The following DLG2 variants were observed in gnomAD, a reference collection of about 807,000 sequenced individuals.
The protein encoded by DLG2 is disks large homolog 2.
A neutral mutation model predicts 132.5 loss-of-function variants in DLG2; 45 were observed. The observed-to-expected ratio is 0.34, with a 90% CI of 0.27 to 0.44. DLG2 has a LOEUF of 0.44. Ranked by LOEUF, DLG2 falls within the 20% of genes least tolerant of loss-of-function variation. DLG2 has a pLI of 1.00. For missense variants in DLG2, 1,045 were observed against 1,196.9 expected (o/e 0.87, Z 1.87); for synonymous variants, 424 against 419.6 (o/e 1.01, Z -0.13).
intron 17 of DLG2, among the ~76,000 whole-genome samples, chr11:83,816,723 A>G (rs1478283563): frequency 6.6e-6 from 1 of 152,206 alleles, no homozygotes; most frequent in Non-Finnish European, 1.5e-5. Context: ...TTTCAATCAG[A>G]AAACATTTTA....
intron 7 of DLG2, among the ~76,000 whole-genome samples, chr11:84,515,803 T>C (rs549046093): frequency 1.3e-5 from 2 of 151,830 alleles, no homozygotes; most frequent in African/African-American, 4.8e-5. Context: ...TAAGTGCACA[T>C]AGAGCATTTT....
At chr11:84,886,501 A>G (rs926436743) in intron 6 of DLG2, among the ~76,000 whole-genome samples, 2 of 152,114 alleles carry the variant, frequency 1.3e-5, no homozygotes, top group Non-Finnish European at 2.9e-5. Flanking sequence ...GACTATGCTT[A>G]CCCACAAACA....
At chr11:83,674,712 G>C (rs966472764) in intron 18 of DLG2, among the ~76,000 whole-genome samples, 1 of 152,216 alleles carries the variant, frequency 6.6e-6, no homozygotes, top group African/African-American at 2.4e-5. Flanking sequence ...AGTGAAAACA[G>C]AAGTCTTGGG....
intron 7 of DLG2, among the ~76,000 whole-genome samples, chr11:84,520,979 T>C (rs1187935974): frequency 6.6e-6 from 1 of 152,172 alleles, no homozygotes; most frequent in East Asian, 1.9e-4. Context: ...AAGCATCCCA[T>C]AGAGAAATAA....
chr11:84,309,021 G>A (rs1567244759), intron 7 of DLG2, among the ~76,000 whole-genome samples: 1 of 152,150 alleles, frequency 6.6e-6, no homozygotes, highest in African/African-American at 2.4e-5. Context: ...CTCAAGTGCC[G>A]CCAAAGTGGG....
intron 18 of DLG2, among the ~76,000 whole-genome samples, chr11:83,750,573 A>G (rs537944361): frequency 1.3e-5 from 2 of 152,294 alleles, no homozygotes; most frequent in Admixed American, 6.5e-5. Context: ...CATCTGTTCT[A>G]CATATAGACA....
intron 9 of DLG2, among the ~76,000 whole-genome samples, chr11:84,108,227 AG>A (rs923797402): frequency 3.1e-4 from 47 of 152,252 alleles, no homozygotes; most frequent in African/African-American, 1.1e-3. Flanking sequence ...GGCAGATTTC[AG>A]GGTTCAATAT....
Position 85,006,140 on chromosome 11 carries a change from G to C in DLG2, c.357+105521C>G, listed in dbSNP as rs568418412. Among the ~76,000 whole-genome samples, 19 of 152,080 alleles carry C rather than the reference G, an allele frequency of 1.2e-4. No individual in the cohort carries two copies. The East Asian group carries it at 3.5e-3, about 28-fold the overall frequency. On this transcript the variant is annotated intron_variant, in intron 6 of 27. Coordinates refer to ENST00000376104, the MANE Select transcript of DLG2 (RefSeq NM_001142699.3). The stretch of plus-strand genomic sequence containing the variant: ...ATTCAGTTTGCCCATAGTTTATTGA[G>C]GATTTTTGCATTGAAGTTCATCAGG...
At chr11:84,283,886 C>T (rs1421783362) in intron 7 of DLG2, among the ~76,000 whole-genome samples, 1 of 151,998 alleles carries the variant, frequency 6.6e-6, no homozygotes, top group East Asian at 1.9e-4. Context: ...AGTATATTTA[C>T]CAGGATTTTC....
At chr11:84,767,099 A>G (rs2068530703) in intron 6 of DLG2, among the ~76,000 whole-genome samples, 1 of 152,066 alleles carries the variant, frequency 6.6e-6, no homozygotes, top group African/African-American at 2.4e-5. Context: ...GAGGGGTAAT[A>G]GTACCCACCT....
chr11:83,712,903 C>T (rs944275333), intron 18 of DLG2, among the ~76,000 whole-genome samples: 5 of 151,760 alleles, frequency 3.3e-5, no homozygotes, highest in African/African-American at 1.2e-4. Context: ...CAGCAAATCA[C>T]CGTGGCACAA....
chr11:84,995,728 T>TTA (rs1412188754), intron 6 of DLG2, among the ~76,000 whole-genome samples: 1 of 151,492 alleles, frequency 6.6e-6, no homozygotes, highest in Non-Finnish European at 1.5e-5. Flanking sequence ...AATTTTTTTT[T>TTA]AAAAAAAAAG....
intron 6 of DLG2, among the ~76,000 whole-genome samples, chr11:84,788,056 G>C (rs1398517513): frequency 2.3e-5 from 3 of 129,770 alleles, no homozygotes; most frequent in Non-Finnish European, 4.7e-5. Flanking sequence ...AGCTGAGACT[G>C]AGCCACTGCA....
At chr11:83,973,399 CTT>C (rs892319588) in intron 12 of DLG2, among the ~76,000 whole-genome samples, 1 of 152,048 alleles carries the variant, frequency 6.6e-6, no homozygotes, top group Non-Finnish European at 1.5e-5. Context: ...TGTATTATAA[CTT>C]ATTACATTTG....
chr11:84,479,501 C>G (rs1266905407), intron 7 of DLG2, among the ~76,000 whole-genome samples: 2 of 151,962 alleles, frequency 1.3e-5, no homozygotes, highest in African/African-American at 4.8e-5. Flanking sequence ...CCTACCAAGG[C>G]CTAAAAATAA....
At chr11:84,958,189 CCTT>C (rs1192853369) in intron 6 of DLG2, among the ~76,000 whole-genome samples, 14 of 152,132 alleles carry the variant, frequency 9.2e-5, no homozygotes, top group Admixed American at 8.5e-4. Context: ...CATGCCATAT[CCTT>C]CTTACTGGCC....
chr11:84,923,531 G>A, intron 6 of DLG2: 1 of 1,027,904 alleles, frequency 9.7e-7, no homozygotes, highest in Non-Finnish European at 1.2e-6. Flanking sequence ...TATTTCTGGA[G>A]AGCCCCGGTG....
Position 83,534,074 on chromosome 11 carries a change from G to A in DLG2, c.2118-1291C>T, listed in dbSNP as rs544362432. Among the ~76,000 whole-genome samples the A allele has an allele frequency of 3.3e-5, 5 of 152,264 alleles. No individual in the cohort carries two copies. In the East Asian group the frequency reaches 9.6e-4, roughly 29 times the overall value. Reference sequence around the variant, plus strand: ...TGGACTCCCGCCTGTTTGAAGGCCAGGGTTGAAAAAGTGGAAAATAATCTA... The same window carrying A: ...TGGACTCCCGCCTGTTTGAAGGCCAAGGTTGAAAAAGTGGAAAATAATCTA... On this transcript the variant is annotated intron_variant, in intron 20 of 27. Coordinates refer to ENST00000376104, the MANE Select transcript of DLG2 (RefSeq NM_001142699.3).
intron 3 of DLG2, among the ~76,000 whole-genome samples, chr11:85,523,055 G>C (rs1255169721): frequency 6.6e-6 from 1 of 152,174 alleles, no homozygotes; most frequent in African/African-American, 2.4e-5. Context: ...ATGTCATCTT[G>C]AATTACAATC....
Sources: gnomAD v4.1 joint callset for allele counts (sites outside exome capture counted in the v4.1 genomes callset) on GRCh38, gnomAD v4.1.1 for gene constraint, MANE v1.5 for transcripts, NCBI Gene and HGNC (gene_info 2026-07-23, HGNC 2026-07-21) for gene names.